RPL39L: variants seen among roughly 807,000 people sequenced by gnomAD.
RPL39L encodes the protein ribosomal protein L39 like.
For missense variants in RPL39L, 48 were observed against 58.9 expected, an observed-to-expected ratio of 0.81 and a Z score of 0.61; for synonymous variants, 16 against 20.1, an observed-to-expected ratio of 0.80 and a Z score of 0.55.
chr3:187,135,221 A>G (rs1720554858), intron 1 of RPL39L, among the ~76,000 whole-genome samples: 2 of 152,152 alleles, frequency 1.3e-5, no homozygotes, highest in South Asian at 4.1e-4. Context: ...GTGGCTCCTG[A>G]GGCAAAGCAG....
At chr3:187,128,691 A>G (rs1031934591) in intron 1 of RPL39L, among the ~76,000 whole-genome samples, 1 of 152,132 alleles carries the variant, frequency 6.6e-6, no homozygotes, top group Non-Finnish European at 1.5e-5. Flanking sequence ...CAGTTATTAT[A>G]GTTACTGATT....
intron 1 of RPL39L, among the ~76,000 whole-genome samples, chr3:187,129,843 C>T (rs1465987368): frequency 5.6e-5 from 8 of 143,320 alleles, no homozygotes; most frequent in Non-Finnish European, 9.2e-5. Flanking sequence ...CCCCTCCACC[C>T]TTTTTTTTTT....
At chr3:187,121,670 A>G (rs1345230797) in intron 2 of RPL39L, among the ~76,000 whole-genome samples, 3 of 152,232 alleles carry the variant, frequency 2.0e-5, no homozygotes, top group Non-Finnish European at 4.4e-5. Flanking sequence ...ACGAACAGGT[A>G]ATACCAGTTC....
At chr3:187,121,887 G>T (rs1218776796) in intron 2 of RPL39L, among the ~76,000 whole-genome samples, 3 of 151,456 alleles carry the variant, frequency 2.0e-5, no homozygotes, top group Non-Finnish European at 4.4e-5. Context: ...ACCCTTTTTT[G>T]GCAACTCTTT....
intron 2 of RPL39L, among the ~76,000 whole-genome samples, chr3:187,121,615 G>A (rs544098710): frequency 1.3e-5 from 2 of 152,030 alleles, no homozygotes; most frequent in South Asian, 2.1e-4. Context: ...TGCTTCTCTT[G>A]TTAAATGTCC....
chr3:187,127,126 T>A lies in RPL39L; in HGVS notation c.-29+873A>T, dbSNP rs1720410059. On this transcript the variant is annotated intron_variant, in intron 2 of 2. Transcript: ENST00000296277. ...CAGAGGGTCAAACATAACCAGCATA[T>A]AAGAAAATTGGAATCAATGATTAAA... is the stretch of plus-strand genomic sequence containing the variant. Among the ~76,000 whole-genome samples the A allele has an allele frequency of 2.6e-5, 4 of 152,210 alleles. No individual in the cohort carries two copies. In the South Asian group the frequency reaches 8.3e-4, roughly 32 times the overall value.
intron 1 of RPL39L, among the ~76,000 whole-genome samples, chr3:187,135,202 T>A (rs13076194): frequency 0.063 from 9,608 of 152,260 alleles, 451 homozygotes; most frequent in Non-Finnish European, 0.088. Flanking sequence ...TAAGGCTTTG[T>A]CAAATACTGT....
At chr3:187,130,142 T>C (rs13088593) in intron 1 of RPL39L, among the ~76,000 whole-genome samples, 5,739 of 152,324 alleles carry the variant, frequency 0.038, 138 homozygotes, top group Non-Finnish European at 0.059. Flanking sequence ...GTCTTTCCTA[T>C]GTATCCTCTT....
chr3:187,124,704 C>T (rs1158859329), intron 2 of RPL39L, among the ~76,000 whole-genome samples: 2 of 152,004 alleles, frequency 1.3e-5, no homozygotes, highest in Non-Finnish European at 2.9e-5. Context: ...AAGTATAGGC[C>T]CACTCCTCAT....
intron 1 of RPL39L, among the ~76,000 whole-genome samples, chr3:187,131,284 G>A (rs1466030579): frequency 3.3e-5 from 5 of 151,956 alleles, no homozygotes; most frequent in African/African-American, 9.7e-5. Context: ...GGAGGCTGAG[G>A]CAGGCACATC....
chr3:187,134,201 T>A (rs754709068), intron 1 of RPL39L, among the ~76,000 whole-genome samples: 1 of 151,718 alleles, frequency 6.6e-6, no homozygotes, highest in Non-Finnish European at 1.5e-5. Context: ...AGAAAAAAAA[T>A]GTTTACATTA....
intron 1 of RPL39L, among the ~76,000 whole-genome samples, chr3:187,137,289 A>C (rs1026092323): frequency 1.3e-5 from 2 of 150,398 alleles, no homozygotes; most frequent in Admixed American, 6.6e-5. Flanking sequence ...GCTCAGGATC[A>C]CCTGAGGTCA....
intron 1 of RPL39L, among the ~76,000 whole-genome samples, chr3:187,132,056 T>A (rs917339562): frequency 6.6e-6 from 1 of 152,164 alleles, no homozygotes; most frequent in African/African-American, 2.4e-5. Flanking sequence ...ATACAGAGCA[T>A]TTCCTTGAGG....
rs539893710 is a variant in RPL39L at position 187,132,391 on chromosome 3, G to A, written c.-92-4329C>T. Among the ~76,000 whole-genome samples, 17 of 152,340 alleles carry A rather than the reference G, an allele frequency of 1.1e-4. No individual in the cohort carries two copies. In the South Asian group the frequency reaches 2.7e-3, roughly 24 times the overall value. On this transcript the variant is annotated intron_variant, in intron 1 of 2. Coordinates refer to ENST00000296277, the MANE Select transcript of RPL39L (RefSeq NM_052969.3). ...CTCAGTTTCTGGGGGTAAAGTATAA[G>A]TCTGGTGCTGGTTGAATGCTGACTA... is the stretch of plus-strand genomic sequence containing the variant.
intron 1 of RPL39L, among the ~76,000 whole-genome samples, chr3:187,131,759 A>C (rs1160892429): frequency 6.6e-6 from 1 of 152,228 alleles, no homozygotes; most frequent in Non-Finnish European, 1.5e-5. Flanking sequence ...AATGAGTGTA[A>C]AATATTTAGG....
intron 1 of RPL39L, among the ~76,000 whole-genome samples, chr3:187,129,496 C>A (rs1227145334): frequency 6.6e-6 from 1 of 152,220 alleles, no homozygotes; most frequent in African/African-American, 2.4e-5. Flanking sequence ...TCCTCCTCCT[C>A]CTCATTGACA....
Position 187,121,466 on chromosome 3 carries a change from G to A in RPL39L, c.-28-138C>T, listed in dbSNP as rs192840631. The A allele has an allele frequency of 2.2e-5, 18 of 825,442 alleles. No individual in the cohort carries two copies. In the African/African-American group the frequency reaches 3.0e-4, roughly 14 times the overall value. 51.1% of individuals were successfully genotyped at this position (825,442 alleles called of 1,614,324 possible). A position where few individuals can be genotyped will look rare whatever the true frequency, so the allele number is the denominator to read the frequency against. The stretch of plus-strand genomic sequence containing the variant: ...CTCATTGCCACTCAGGATCCCACAG[G>A]CAGCTCAGGAGCAGCTCAGGAGCCA... On this transcript the variant is annotated intron_variant, in intron 2 of 2. Transcript: ENST00000296277.
At chr3:187,133,298 G>C (rs1720516524) in intron 1 of RPL39L, among the ~76,000 whole-genome samples, 2 of 152,104 alleles carry the variant, frequency 1.3e-5, no homozygotes, top group South Asian at 4.1e-4. Flanking sequence ...GGATCATGTG[G>C]GTGGTTTCCC....
intron 2 of RPL39L, among the ~76,000 whole-genome samples, chr3:187,126,000 C>A (rs973150478): frequency 5.3e-5 from 8 of 152,094 alleles, no homozygotes; most frequent in African/African-American, 1.9e-4. Flanking sequence ...TATTTAAGGT[C>A]ATAAGGTTAA....
Sources: allele counts gnomAD v4.1 joint callset (sites outside exome capture counted in the v4.1 genomes callset), GRCh38; gene constraint gnomAD v4.1.1; transcripts MANE v1.5; gene names NCBI Gene and HGNC (gene_info 2026-07-23, HGNC 2026-07-21).